MTOR: variants seen among roughly 807,000 people sequenced by gnomAD.
MTOR encodes mechanistic target of rapamycin kinase, also known as serine/threonine-protein kinase mTOR.
A neutral mutation model predicts 319.8 loss-of-function variants in MTOR; 70 were observed. The ratio of observed to expected loss-of-function variants is 0.22; its 90% CI spans 0.18 to 0.27. The LOEUF is 0.27. MTOR is among the 10% of genes least tolerant of loss of function. The probability of loss-of-function intolerance (pLI) is 1.00; values close to 1 mark genes in which losing one functional copy is unlikely to be tolerated. For missense variants in MTOR, 1,890 were observed against 3,274.4 expected, an observed-to-expected ratio of 0.58 and a Z score of 10.32; for synonymous variants, 1,183 against 1,211.4, an observed-to-expected ratio of 0.98 and a Z score of 0.49.
In MTOR at chr1:11,115,493, G is replaced by A. The variant is rs1436106632; in HGVS notation, c.7017-25C>T. ...TCTTTGAGAAACAGAAGACAGATCA[G>A]GGAGGGATCAACAGAGATAACGGAT... On this transcript the variant is annotated intron_variant, in intron 50 of 57. Transcript: ENST00000361445. This position sits in a 1 kb window ranked among gnomAD's most constrained non-coding sequence, Gnocchi z 4.5. The A allele has an allele frequency of 1.2e-6, 2 of 1,606,766 alleles. No individual in the cohort carries two copies. The highest frequency in any genetic ancestry group is 1.7e-6 in the Non-Finnish European group (2 of 1,173,470).
intron 37 of MTOR, among the ~76,000 whole-genome samples, chr1:11,134,081 C>T (rs549468106): frequency 2.0e-5 from 3 of 151,762 alleles, no homozygotes; most frequent in South Asian, 2.1e-4. Flanking sequence ...AAGGGAGGGG[C>T]AGCATATCTG....
At chr1:11,245,734 A>T (rs1459448475) in intron 8 of MTOR, among the ~76,000 whole-genome samples, 2 of 152,134 alleles carry the variant, frequency 1.3e-5, no homozygotes, top group Admixed American at 1.3e-4. Flanking sequence ...ATCCCAAATC[A>T]TCTCTACAAA....
Position 11,115,250 on chromosome 1 carries a change from C to T in MTOR, c.7089+146G>A, listed in dbSNP as rs1642105753. On this transcript the variant is annotated intron_variant, in intron 51 of 57. Coordinates refer to ENST00000361445, the MANE Select transcript of MTOR (RefSeq NM_004958.4). This position sits in a 1 kb window ranked among gnomAD's most constrained non-coding sequence, Gnocchi z 4.5. ...CCAACTAAGAGCCCAGATTTCATTT[C>T]TTAGACTGACTTAACTACAGCCTTG... 1 of 787,166 alleles carries T rather than the reference C, an allele frequency of 1.3e-6. No individual in the cohort carries two copies. The highest frequency in any genetic ancestry group is 2.5e-5 in the East Asian group (1 of 40,804). 48.8% of individuals were successfully genotyped at this position (787,166 alleles called of 1,614,324 possible).
intron 1 of MTOR, among the ~76,000 whole-genome samples, chr1:11,261,738 C>T (rs748382865): frequency 6.6e-6 from 1 of 152,014 alleles, no homozygotes; most frequent in Non-Finnish European, 1.5e-5. Context: ...GGAGAAGAAA[C>T]TTAAGAATCC....
chr1:11,177,705 G>C (rs967894314), intron 28 of MTOR, among the ~76,000 whole-genome samples: 2 of 152,188 alleles, frequency 1.3e-5, no homozygotes, highest in Admixed American at 6.5e-5. Flanking sequence ...CGCTAAATCT[G>C]TATGTGAGAA....
At position 11,121,185 on chromosome 1, in the gene MTOR, G is replaced by C; in HGVS notation, c.6933+61C>G. The C allele has an allele frequency of 6.2e-7, 1 of 1,601,212 alleles. No homozygotes were observed. Among genetic ancestry groups the C allele is most frequent in the Non-Finnish European group, 8.5e-7 (1 of 1,176,794 alleles). ...TGTGTGCACATGAACAGATGGGAGG[G>C]CCATCCTATTGCGAGTGGGGGTTCC... On this transcript the variant is annotated intron_variant, in intron 49 of 57. Transcript: ENST00000361445. This position sits in a 1 kb window ranked among gnomAD's most constrained non-coding sequence, Gnocchi z 4.9.
chr1:11,210,153 C>A (rs1306663866), intron 24 of MTOR, among the ~76,000 whole-genome samples: 1 of 152,110 alleles, frequency 6.6e-6, no homozygotes, highest in Non-Finnish European at 1.5e-5. Flanking sequence ...CAGGCATGAG[C>A]CCCTGTGCCT....
intron 5 of MTOR, 81 bp from the exon 6 acceptor site, chr1:11,254,054 G>A (rs1026932289): frequency 3.8e-6 from 6 of 1,562,296 alleles, no homozygotes; most frequent in Non-Finnish European, 4.4e-6. Context: ...TCTACACTGG[G>A]GGTTCTGAGG....
rs1321455765 is a variant in MTOR at position 11,231,348 on chromosome 1, C to A, written c.2601G>T (p.Val867=). The A allele has an allele frequency of 6.2e-7, 1 of 1,614,170 alleles. No homozygotes were observed. The stretch of plus-strand genomic sequence containing the variant: ...GCTCAGTCTTCAGAAAATTCAGTAG[C>A]ACCTCAAGCAAAGTAGGGTACTTCC... ...PYRKYPTLLE[V]LLNFLKTEQN... is the part of the protein sequence containing the mutation. The change falls in exon 17 of 58, where the codon GTG becomes GTT. Residue 867 remains valine, a synonymous_variant. Transcript: ENST00000361445.
intron 28 of MTOR, among the ~76,000 whole-genome samples, chr1:11,198,423 A>G (rs1042341449): frequency 2.0e-5 from 3 of 152,166 alleles, no homozygotes; most frequent in African/African-American, 7.2e-5. Flanking sequence ...GGACTTGGCT[A>G]TTTGATTACC....
Position 11,150,219 on chromosome 1 carries a change from G to T in MTOR, c.4477C>A (p.Leu1493Ile). The T allele has an allele frequency of 6.2e-7, 1 of 1,613,558 alleles. No homozygotes were observed. The highest frequency in any genetic ancestry group is 8.5e-7 in the Non-Finnish European group (1 of 1,179,724). ...CLEALGEWGQ[L>I]HQQCCEKWTL... is the part of the protein sequence containing the mutation. Reference sequence around the variant, plus strand: ...CACTTTTCACAGCACTGCTGGTGGAGTTGACCCCTGAAGAAAATGAATTAT... The same window carrying T: ...CACTTTTCACAGCACTGCTGGTGGATTTGACCCCTGAAGAAAATGAATTAT... The change falls in exon 31 of 58, where the codon CTC (leucine) becomes ATC (isoleucine). Residue 1493 changes from leucine (L) to isoleucine (I), a missense_variant. By Grantham distance (5) the Leu-to-Ile change is conservative. This residue lies in a region of MTOR where 276 missense variants were observed against 459.4 expected (regional missense o/e 0.60). Coordinates refer to ENST00000361445, the MANE Select transcript of MTOR (RefSeq NM_004958.4).
In MTOR at chr1:11,240,558, G is replaced by A. The variant is rs2100910609; in HGVS notation, c.1542-11C>T. The A allele has an allele frequency of 6.2e-7, 1 of 1,612,452 alleles. No homozygotes were observed. Among genetic ancestry groups the A allele is most frequent in the Non-Finnish European group, 8.5e-7 (1 of 1,179,042 alleles). On this transcript the variant is annotated splice_polypyrimidine_tract_variant and intron_variant, in intron 10 of 57. Coordinates refer to ENST00000361445, the MANE Select transcript of MTOR (RefSeq NM_004958.4). The stretch of plus-strand genomic sequence containing the variant: ...GCAGTGAGGGCAGGGCTGAGGGGAA[G>A]GAAACAAGTCACATAAGGGCTGGGC...
At position 11,106,977 on chromosome 1, in the gene MTOR, C is replaced by T. The variant is rs781526648; in HGVS notation, c.*508G>A. On this transcript the variant is annotated 3_prime_UTR_variant, in exon 58 of 58. Coordinates refer to ENST00000361445, the MANE Select transcript of MTOR (RefSeq NM_004958.4). Reference sequence around the variant, plus strand: ...ATCTTGCAAACATTTCTGCTGCTGTCCACAGACCAGTGAGGTCTTGGGATA... The same window carrying T: ...ATCTTGCAAACATTTCTGCTGCTGTTCACAGACCAGTGAGGTCTTGGGATA... The T allele has an allele frequency of 5.5e-5, 76 of 1,370,588 alleles. No individual in the cohort carries two copies. In the South Asian group the frequency reaches 8.6e-4, roughly 15 times the overall value. The allele number at this position is 1,370,588 out of a possible 1,614,324, so 84.9% of individuals were successfully genotyped here.
In MTOR at chr1:11,168,342, C is replaced by T. The variant is rs1179338948; in HGVS notation, c.4254-825G>A. On this transcript the variant is annotated intron_variant, in intron 28 of 57. Transcript: ENST00000361445. ...TACAGGTACACACCACAGCACCTGGCTCCTCTGAACTTCTAAGTCTTAACT... is the reference window on the plus strand; with the variant it reads ...TACAGGTACACACCACAGCACCTGGTTCCTCTGAACTTCTAAGTCTTAACT... Among the ~76,000 whole-genome samples the T allele has an allele frequency of 2.6e-5, 4 of 152,156 alleles. No individual in the cohort carries two copies. The East Asian group carries it at 7.7e-4, about 29-fold the overall frequency.
chr1:11,250,181 C>G (rs1440864311), intron 6 of MTOR, among the ~76,000 whole-genome samples: 10 of 134,440 alleles, frequency 7.4e-5, no homozygotes, highest in Admixed American at 4.4e-4. Flanking sequence ...GGGGCTGACC[C>G]CCCGACCTCC....
chr1:11,179,170 T>C (rs892584931), intron 28 of MTOR, among the ~76,000 whole-genome samples: 12 of 152,220 alleles, frequency 7.9e-5, no homozygotes, highest in Non-Finnish European at 1.5e-4. Flanking sequence ...ATATCATCAC[T>C]GCATGAACAG....
At chr1:11,228,632 A>G (rs1646923489) in intron 19 of MTOR, 36 bp downstream of exon 19, 1 of 1,605,018 alleles carries the variant, frequency 6.2e-7, no homozygotes, top group East Asian at 2.2e-5. Flanking sequence ...TGTGGTGCAG[A>G]GGAGAAAGAG....
At position 11,247,894 on chromosome 1, in the gene MTOR, G is replaced by A. The variant is rs2100940014; in HGVS notation, c.1041C>T (p.Thr347=). ...GGGTGGACTTAGCTGGACTGGGGGA[G>A]GTCCCAAATCCCATGAGGCCTTGGT... ...SSHQGLMGFG[T]SPSPAKSTLV... Residue 347 remains threonine, a synonymous_variant, in exon 7 of 58, where the codon ACC becomes ACT. Coordinates refer to ENST00000361445, the MANE Select transcript of MTOR (RefSeq NM_004958.4). The A allele has an allele frequency of 1.9e-6, 3 of 1,614,184 alleles. No homozygotes were observed. The highest frequency in any genetic ancestry group is 2.2e-5 in the South Asian group (2 of 91,086).
rs577781099 is a variant in MTOR, at chr1:11,113,045, G to C, written c.7301-128C>G. 9.6e-6 allele frequency: 9 copies of C among 940,206 alleles called. No individual in the cohort carries two copies. The Admixed American group carries it at 1.6e-4, about 17-fold the overall frequency. The allele number at this position is 940,206 out of a possible 1,614,324, so 58.2% of individuals were successfully genotyped here. ...TATAGCCCCAAAAAAAGAGATGACA[G>C]ACATATTACTCAGGAATAAGTGGGT... On this transcript the variant is annotated intron_variant, in intron 53 of 57. Transcript: ENST00000361445.
Sources: allele counts gnomAD v4.1 joint callset (sites outside exome capture counted in the v4.1 genomes callset), GRCh38; gene constraint gnomAD v4.1.1; regional missense constraint gnomAD v4.1.1; non-coding constraint Gnocchi (gnomAD v3.1); transcripts MANE v1.5; gene names NCBI Gene and HGNC (gene_info 2026-07-23, HGNC 2026-07-21).